RAD51B: variants seen among roughly 807,000 people sequenced by gnomAD.
RAD51B encodes the protein DNA repair protein RAD51 homolog 2.
In RAD51B, 38 loss-of-function variants were observed where a neutral mutation model predicts 42.2. The ratio of observed to expected loss-of-function variants is 0.90; its 90% CI spans 0.70 to 1.18. The LOEUF (loss-of-function observed/expected upper bound fraction) is 1.18, where lower values mean the gene tolerates loss of function less well. RAD51B is among the 50% of genes most tolerant of loss of function. The pLI, the probability that RAD51B is intolerant of heterozygous loss-of-function variation, is 0.00. For synonymous variants in RAD51B, 154 were observed against 145.2 expected, an observed-to-expected ratio of 1.06 and a Z score of -0.43; for missense variants, 373 against 400.7, an observed-to-expected ratio of 0.93 and a Z score of 0.59.
chr14:68,023,746 C>G (rs1453112934), intron 7 of RAD51B, among the ~76,000 whole-genome samples: 3 of 152,092 alleles, frequency 2.0e-5, no homozygotes, highest in African/African-American at 7.2e-5. Flanking sequence ...GATATTAGAC[C>G]TCTGCTGGAT....
chr14:68,439,752 T>C (rs954094072), intron 9 of RAD51B, among the ~76,000 whole-genome samples: 1 of 152,218 alleles, frequency 6.6e-6, no homozygotes, highest in East Asian at 1.9e-4. Flanking sequence ...TTTCCAGATG[T>C]ATCTAAGCTC....
chr14:68,053,023 A>G (rs564655703), intron 7 of RAD51B, among the ~76,000 whole-genome samples: 3 of 152,186 alleles, frequency 2.0e-5, no homozygotes, highest in Non-Finnish European at 4.4e-5. Flanking sequence ...AGCCATATTT[A>G]TATTTAACCT....
At chr14:68,279,873 G>A (rs1434313210) in intron 7 of RAD51B, among the ~76,000 whole-genome samples, 2 of 152,150 alleles carry the variant, frequency 1.3e-5, no homozygotes, top group Non-Finnish European at 2.9e-5. Flanking sequence ...CTCTCTGTGC[G>A]TTGAAATGAA....
intron 10 of RAD51B, among the ~76,000 whole-genome samples, chr14:68,572,483 G>A (rs1161910798): frequency 1.3e-5 from 2 of 152,268 alleles, no homozygotes; most frequent in East Asian, 3.8e-4. Context: ...GCAGCTGGGG[G>A]GCTGCTTGGT....
chr14:68,623,721 G>A (rs1250113560), intron 10 of RAD51B, among the ~76,000 whole-genome samples: 2 of 152,202 alleles, frequency 1.3e-5, no homozygotes, highest in African/African-American at 4.8e-5. Context: ...TGTTCCTCAA[G>A]TGATCAGATA....
At chr14:68,398,688 C>G (rs1370339671) in intron 8 of RAD51B, among the ~76,000 whole-genome samples, 1 of 152,062 alleles carries the variant, frequency 6.6e-6, no homozygotes, top group Non-Finnish European at 1.5e-5. Flanking sequence ...TCTTGGGAAG[C>G]AGGGTGGGGG....
chr14:68,076,677 C>T (rs1284799910), intron 7 of RAD51B, among the ~76,000 whole-genome samples: 4 of 152,160 alleles, frequency 2.6e-5, no homozygotes, highest in Non-Finnish European at 5.9e-5. Flanking sequence ...TGAACTAACA[C>T]ACCCAAGGAC....
At chr14:68,458,566 G>A (rs1488410885) in intron 9 of RAD51B, among the ~76,000 whole-genome samples, 1 of 151,916 alleles carries the variant, frequency 6.6e-6, no homozygotes, top group Non-Finnish European at 1.5e-5. Flanking sequence ...ACAATCACCA[G>A]AGAGGTGTTA....
In RAD51B at chr14:67,985,680, G is replaced by A. The variant is rs544976315; in HGVS notation, c.756+98476G>A. ...TCCTAGCACTTTGGGAAACCAAGGCGGGGTAGATCGCTTGCGTTCCAGACC... is the reference window on the plus strand; with the variant it reads ...TCCTAGCACTTTGGGAAACCAAGGCAGGGTAGATCGCTTGCGTTCCAGACC... On this transcript the variant is annotated intron_variant, in intron 7 of 10. Transcript: ENST00000471583. Among the ~76,000 whole-genome samples, 22 of 152,138 alleles carry A rather than the reference G, an allele frequency of 1.4e-4. No individual in the cohort carries two copies. In the South Asian group the frequency reaches 4.4e-3, roughly 30 times the overall value.
At chr14:68,248,367 C>T (rs1320353099) in intron 7 of RAD51B, among the ~76,000 whole-genome samples, 1 of 151,830 alleles carries the variant, frequency 6.6e-6, no homozygotes, top group Non-Finnish European at 1.5e-5. Flanking sequence ...AACTTCAGAC[C>T]TCATGCTCTT....
intron 7 of RAD51B, among the ~76,000 whole-genome samples, chr14:68,158,645 A>G (rs563679815): frequency 6.6e-6 from 1 of 152,312 alleles, no homozygotes; most frequent in Non-Finnish European, 1.5e-5. Flanking sequence ...TTTAGGGAAA[A>G]CAGTTGTTTC....
At chr14:68,602,506 C>CTAGATAGATAGATAGA (rs752180767) in intron 10 of RAD51B, among the ~76,000 whole-genome samples, 2 of 148,904 alleles carry the variant, frequency 1.3e-5, no homozygotes, top group African/African-American at 5.0e-5. Context: ...GGATGGATAG[C>CTAGATAGATAGATAGA]TAGATAGATA....
At chr14:68,131,560 G>A (rs986304770) in intron 7 of RAD51B, among the ~76,000 whole-genome samples, 1 of 152,136 alleles carries the variant, frequency 6.6e-6, no homozygotes, top group African/African-American at 2.4e-5. Flanking sequence ...GCCAGGCGTG[G>A]TGTCATGCGT....
At chr14:68,586,015 A>G (rs778292686) in intron 10 of RAD51B, among the ~76,000 whole-genome samples, 2 of 152,140 alleles carry the variant, frequency 1.3e-5, no homozygotes, top group Non-Finnish European at 2.9e-5. Flanking sequence ...ACGGCACGTT[A>G]CGCTTTGCGT....
chr14:68,387,838 C>T (rs1309403748), intron 8 of RAD51B, among the ~76,000 whole-genome samples: 1 of 151,944 alleles, frequency 6.6e-6, no homozygotes, highest in East Asian at 1.9e-4. Context: ...CTACTGAGCA[C>T]ATGAAAGGTG....
intron 11 of RAD51B, among the ~76,000 whole-genome samples, chr14:68,658,875 C>T (rs1892875114): frequency 1.3e-5 from 2 of 152,186 alleles, no homozygotes; most frequent in Admixed American, 1.3e-4. Flanking sequence ...AACTGAGGAC[C>T]CAAGAAGTTA....
At chr14:67,978,696 C>T (rs1221694408) in intron 7 of RAD51B, among the ~76,000 whole-genome samples, 1 of 152,184 alleles carries the variant, frequency 6.6e-6, no homozygotes, top group Non-Finnish European at 1.5e-5. Context: ...TGCTTTGTTC[C>T]TGTTGCCCCT....
chr14:67,966,824 G>C (rs2074788899), intron 7 of RAD51B, among the ~76,000 whole-genome samples: 1 of 152,158 alleles, frequency 6.6e-6, no homozygotes, highest in Admixed American at 6.5e-5. Context: ...AGTATGTAGA[G>C]ATAATTTATC....
At chr14:68,537,533 G>A (rs1298892932) in intron 10 of RAD51B, among the ~76,000 whole-genome samples, 2 of 150,790 alleles carry the variant, frequency 1.3e-5, no homozygotes, top group African/African-American at 4.9e-5. Context: ...CACTGAAACA[G>A]ATTTTATTTT....
Sources: allele counts gnomAD v4.1 joint callset (sites outside exome capture counted in the v4.1 genomes callset), GRCh38; gene constraint gnomAD v4.1.1; transcripts MANE v1.5; gene names NCBI Gene and HGNC (gene_info 2026-07-23, HGNC 2026-07-21).